Variants in DDIAS observed in about 807,000 individuals in gnomAD.
DDIAS encodes DNA damage induced apoptosis suppressor, also known as DNA damage-induced apoptosis suppressor protein.
DDIAS carries 14 observed loss-of-function variants against 15.7 expected under a neutral mutation model. The ratio of observed to expected loss-of-function variants is 0.89; its 90% confidence interval spans 0.59 to 1.39. DDIAS has a LOEUF of 1.39. Among genes scored for constraint, DDIAS ranks in the 40% most tolerant of loss-of-function variants. DDIAS has a pLI of 0.00. For missense variants in DDIAS, 1,035 were observed against 1,130.9 expected (o/e 0.92, Z 1.22); for synonymous variants, 355 against 395.9 (o/e 0.90, Z 1.23).
At chr11:82,929,008 T>C in intron 4 of DDIAS, 70 bp downstream of exon 4, 1 of 1,498,730 alleles carries the variant, frequency 6.7e-7, no homozygotes, top group Non-Finnish European at 9.0e-7. Flanking sequence ...TATAAGGCAA[T>C]ATGCATTTTT....
intron 3 of DDIAS, among the ~76,000 whole-genome samples, chr11:82,918,109 T>C (rs11233374): frequency 0.47 from 71,850 of 152,096 alleles, 17,151 homozygotes; most frequent in African/African-American, 0.53. Flanking sequence ...CTGACTGTTC[T>C]TTGGCCATGC....
At chr11:82,902,394 TC>T (rs1227291065) in intron 1 of DDIAS, among the ~76,000 whole-genome samples, 1 of 126,208 alleles carries the variant, frequency 7.9e-6, no homozygotes, top group East Asian at 2.3e-4. Context: ...AACCCCCCCC[TC>T]CCCCGCCGCC....
At chr11:82,914,227 G>T (rs562251348) in intron 2 of DDIAS, 187 of 228,270 alleles carry the variant, frequency 8.2e-4, no homozygotes, top group African/African-American at 4.2e-3. Context: ...GAGCCACCAC[G>T]CCCGGCCACA....
intron 1 of DDIAS, among the ~76,000 whole-genome samples, chr11:82,909,636 A>C (rs1052099256): frequency 6.6e-6 from 1 of 152,194 alleles, no homozygotes; most frequent in Non-Finnish European, 1.5e-5. Context: ...TTACAATGGC[A>C]ATTTTCTTTG....
At position 82,928,933 on chromosome 11, in the gene DDIAS, G is replaced by A; in HGVS notation, c.270G>A (p.Leu90=). 2 of 1,610,668 alleles carry A rather than the reference G, an allele frequency of 1.2e-6. No homozygotes were observed. Among genetic ancestry groups the A allele is most frequent in the Non-Finnish European group, 1.7e-6 (2 of 1,179,166 alleles). ...DTFFGLTATG[L]HRYIQDPNKI... is the part of the protein sequence containing the mutation. The stretch of plus-strand genomic sequence containing the variant: ...TTTTTGGTCTTACTGCCACTGGTTT[G>A]CACAGGTAAGAATACTTAAAACATC... The change falls in exon 4 of 6, where the codon TTG becomes TTA. Residue 90 remains leucine (L), a synonymous_variant. Transcript: ENST00000533655.
In DDIAS at chr11:82,933,983, G is replaced by C. The variant is rs1355606719; in HGVS notation, c.2645G>C (p.Gly882Ala). The part of the protein sequence containing the change: ...IFPSDMLGFQ[G>A]IGLGKCLAAY... ...CCTTCAGATATGCTTGGATTCCAAG[G>C]CATAGGTCTAGGGAAATGCCTTGCT... The change falls in exon 6 of 6, where the codon GGC (glycine) becomes GCC (alanine). Residue 882 changes from glycine (G) to alanine (A), a missense_variant. Gly to Ala is a moderately conservative substitution (Grantham distance 60, BLOSUM62 0). Transcript: ENST00000533655. 1.9e-6 allele frequency: 3 copies of C among 1,613,034 alleles called. No homozygotes were observed. In the South Asian group the frequency reaches 3.3e-5, roughly 18 times the overall value.
chr11:82,913,663 A>G (rs1235194621), intron 2 of DDIAS: 7 of 430,048 alleles, frequency 1.6e-5, no homozygotes, highest in Admixed American at 1.5e-4. Context: ...AGATGTATCA[A>G]ATGAGCACAC....
chr11:82,931,676 TTAAG>T, intron 5 of DDIAS, 52 bp from the exon 6 acceptor site: 1 of 1,478,004 alleles, frequency 6.8e-7, no homozygotes, highest in African/African-American at 1.4e-5. Flanking sequence ...TGTTTCATGT[TTAAG>T]TAAATGGAAG....
At chr11:82,926,726 T>G (rs1860869673) in intron 3 of DDIAS, among the ~76,000 whole-genome samples, 1 of 152,200 alleles carries the variant, frequency 6.6e-6, no homozygotes, top group Non-Finnish European at 1.5e-5. Flanking sequence ...CTCTGGATGA[T>G]TTGTATACAT....
At chr11:82,929,523 G>A (rs1440830232) in intron 4 of DDIAS, among the ~76,000 whole-genome samples, 3 of 152,148 alleles carry the variant, frequency 2.0e-5, no homozygotes, top group African/African-American at 7.2e-5. Flanking sequence ...CTAACACGGT[G>A]AAACCCCATC....
intron 3 of DDIAS, 35 bp from the exon 4 acceptor site, chr11:82,928,742 G>A (rs1860920518): frequency 5.0e-6 from 8 of 1,600,228 alleles, no homozygotes; most frequent in Non-Finnish European, 6.8e-6. Flanking sequence ...AACATTTAAT[G>A]AACATCTCCA....
chr11:82,903,277 A>G (rs1008591896), intron 1 of DDIAS, among the ~76,000 whole-genome samples: 1 of 152,208 alleles, frequency 6.6e-6, no homozygotes, highest in Non-Finnish European at 1.5e-5. Flanking sequence ...GGCAGAATAT[A>G]TGAGGGAAAA....
At chr11:82,922,921 A>G (rs1471052175) in intron 3 of DDIAS, among the ~76,000 whole-genome samples, 1 of 152,074 alleles carries the variant, frequency 6.6e-6, no homozygotes, top group African/African-American at 2.4e-5. Flanking sequence ...CTATGGATGT[A>G]GCTTCCTATG....
At chr11:82,928,055 T>C (rs1037357016) in intron 3 of DDIAS, among the ~76,000 whole-genome samples, 3 of 152,132 alleles carry the variant, frequency 2.0e-5, no homozygotes. Flanking sequence ...TTTTATAATC[T>C]GATAAGTTAT....
At chr11:82,918,304 G>C (rs1656186331) in intron 3 of DDIAS, among the ~76,000 whole-genome samples, 1 of 152,114 alleles carries the variant, frequency 6.6e-6, no homozygotes, top group Admixed American at 6.6e-5. Flanking sequence ...CCTACATGTG[G>C]CTAGCCAATG....
chr11:82,920,821 A>C (rs897031743), intron 3 of DDIAS, among the ~76,000 whole-genome samples: 3 of 152,178 alleles, frequency 2.0e-5, no homozygotes, highest in African/African-American at 7.2e-5. Flanking sequence ...AGAAAGTTCC[A>C]TGTGCTGTTG....
intron 3 of DDIAS, among the ~76,000 whole-genome samples, chr11:82,920,267 CTCT>C (rs1860717061): frequency 6.6e-6 from 1 of 151,894 alleles, no homozygotes. Flanking sequence ...TGGATTTTCT[CTCT>C]TCTTGGTTAA....
intron 3 of DDIAS, among the ~76,000 whole-genome samples, chr11:82,915,387 G>A (rs1590802914): frequency 6.6e-6 from 1 of 152,312 alleles, no homozygotes; most frequent in East Asian, 1.9e-4. Context: ...CGAGAGGTTA[G>A]GTTTGAAGTT....
At chr11:82,918,386 G>A (rs1860674661) in intron 3 of DDIAS, among the ~76,000 whole-genome samples, 1 of 152,190 alleles carries the variant, frequency 6.6e-6, no homozygotes, top group Non-Finnish European at 1.5e-5. Flanking sequence ...TCAGTTGGCT[G>A]TAAGTATTTG....
Sources: allele counts gnomAD v4.1 joint callset (sites outside exome capture counted in the v4.1 genomes callset), GRCh38; gene constraint gnomAD v4.1.1; transcripts MANE v1.5; gene names NCBI Gene and HGNC (gene_info 2026-07-23, HGNC 2026-07-21).